Variants in GTF2A2 observed in about 807,000 individuals in gnomAD.
GTF2A2 encodes the protein transcription initiation factor IIA subunit 2.
In GTF2A2, 9 loss-of-function variants were observed where a neutral mutation model predicts 14.3. That is an observed-to-expected ratio of 0.63 (90% CI 0.38 to 1.10). The LOEUF (loss-of-function observed/expected upper bound fraction) is 1.10. GTF2A2 is among the 50% of genes least tolerant of loss of function. The probability of loss-of-function intolerance (pLI) is 0.01; values close to 1 mark genes in which losing one functional copy is unlikely to be tolerated. For missense variants in GTF2A2, 90 were observed against 124.6 expected (o/e 0.72, Z 1.32); for synonymous variants, 56 against 46.0 (o/e 1.22, Z -0.88).
At chr15:59,642,021 G>A (rs1349019431) in intron 4 of GTF2A2, 115 bp downstream of exon 4, 4 of 804,252 alleles carry the variant, frequency 5.0e-6, no homozygotes, top group Admixed American at 5.4e-5. Context: ...GCTTATCTGG[G>A]AATTGATCAT....
intron 2 of GTF2A2, chr15:59,651,848 C>G: frequency 5.8e-6 from 1 of 173,390 alleles, no homozygotes; most frequent in Non-Finnish European, 1.2e-5. Context: ...CCACACCGAA[C>G]TAATTTTTTT....
chr15:59,646,304 C>T (rs1027572611), intron 3 of GTF2A2, among the ~76,000 whole-genome samples: 8 of 152,182 alleles, frequency 5.3e-5, no homozygotes, highest in Admixed American at 4.6e-4. Flanking sequence ...GGTCTGCCTG[C>T]CTTGGCCTCC....
chr15:59,644,277 A>C (rs537883147), intron 3 of GTF2A2: 3 of 152,376 alleles, frequency 2.0e-5, no homozygotes, highest in African/African-American at 7.2e-5. Flanking sequence ...ACACATGCAC[A>C]CATATAGTCA....
At chr15:59,640,616 G>A (rs1428858121) in intron 4 of GTF2A2, among the ~76,000 whole-genome samples, 1 of 152,042 alleles carries the variant, frequency 6.6e-6, no homozygotes, top group Non-Finnish European at 1.5e-5. Context: ...ACATGTCCGT[G>A]CTAAAAAAAA....
intron 3 of GTF2A2, among the ~76,000 whole-genome samples, chr15:59,645,762 G>A (rs1891583752): frequency 6.6e-6 from 1 of 152,138 alleles, no homozygotes; most frequent in African/African-American, 2.4e-5. Flanking sequence ...CTGGCCGGGT[G>A]TGGTGGCTCA....
chr15:59,648,775 A>T (rs1891697210), intron 3 of GTF2A2, among the ~76,000 whole-genome samples: 1 of 152,092 alleles, frequency 6.6e-6, no homozygotes, highest in Non-Finnish European at 1.5e-5. Context: ...TCTACTAAAA[A>T]TACAAAAAAT....
rs138849266 is a variant in GTF2A2 at position 59,648,661 on chromosome 15, G to A, written c.177+2008C>T. 4.5e-3 allele frequency among the ~76,000 whole-genome samples: 690 copies of A among 151,974 alleles called. 9 individuals carry two copies. The highest frequency in any genetic ancestry group is 0.015 in the African/African-American group (641 of 41,468). On this transcript the variant is annotated intron_variant, in intron 3 of 4. Transcript: ENST00000396060. ...ATTTAAAACAAAAAACAGGCCGGGC[G>A]CAGTGGCTCAAGCCTGTAATCCCAG...
chr15:59,642,102 A>G (rs1891448750), intron 4 of GTF2A2, 34 bp downstream of exon 4: 4 of 1,572,816 alleles, frequency 2.5e-6, no homozygotes, highest in Non-Finnish European at 3.4e-6. Context: ...ACAAGGTTTC[A>G]AGTAGCTTTC....
At position 59,646,715 on chromosome 15, in the gene GTF2A2, A is replaced by G. The variant is rs114725703; in HGVS notation, c.177+3954T>C. Among the ~76,000 whole-genome samples, 1,302 of 152,340 alleles carry G rather than the reference A, an allele frequency of 8.5e-3. 16 individuals carry two copies. Among genetic ancestry groups the G allele is most frequent in the African/African-American group, 0.03 (1,251 of 41,576 alleles). ...AAACTTGACTGAAAGATATTAAAGT[A>G]TATTAAATGCCTTCCAACTGTAAAT... On this transcript the variant is annotated intron_variant, in intron 3 of 4. Transcript: ENST00000396060.
chr15:59,641,769 T>C (rs1595667190), intron 4 of GTF2A2, among the ~76,000 whole-genome samples: 1 of 152,324 alleles, frequency 6.6e-6, no homozygotes, highest in African/African-American at 2.4e-5. Flanking sequence ...TCTTTAAATA[T>C]ATGGGTCTCC....
intron 1 of GTF2A2, among the ~76,000 whole-genome samples, chr15:59,656,584 G>A (rs1352756768): frequency 4.6e-5 from 7 of 151,204 alleles, no homozygotes; most frequent in Non-Finnish European, 8.8e-5. Context: ...CACAATAGGA[G>A]CCAAAAAAAA....
chr15:59,644,019 C>G (rs1215395574), intron 3 of GTF2A2, among the ~76,000 whole-genome samples: 1 of 152,060 alleles, frequency 6.6e-6, no homozygotes, highest in African/African-American at 2.4e-5. Context: ...CTCAGCCTCC[C>G]AAGTAGCTGG....
intron 4 of GTF2A2, chr15:59,640,109 CA>C (rs1424794933): frequency 6.6e-6 from 1 of 151,678 alleles, no homozygotes; most frequent in African/African-American, 2.4e-5. Context: ...AAATGGAATA[CA>C]ATTTAAGCTT....
intron 3 of GTF2A2, among the ~76,000 whole-genome samples, chr15:59,645,086 G>T (rs1323338527): frequency 6.6e-6 from 1 of 152,176 alleles, no homozygotes; most frequent in Non-Finnish European, 1.5e-5. Flanking sequence ...GGTAGGAATG[G>T]ACAACTATAA....
rs182056840 is a variant in GTF2A2 at position 59,639,395 on chromosome 15, A to C, written c.305-238T>G. ...TCATATTCATACTAGAGTAAAACTA[A>C]GTTGAACTACATTTGGTTCACATAA... On this transcript the variant is annotated intron_variant, in intron 4 of 4. Coordinates refer to ENST00000396060, the MANE Select transcript of GTF2A2 (RefSeq NM_004492.3). Among the ~76,000 whole-genome samples, 28 of 152,138 alleles carry C rather than the reference A, an allele frequency of 1.8e-4. No individual in the cohort carries two copies. In the East Asian group the frequency reaches 5.0e-3, roughly 27 times the overall value.
chr15:59,644,884 T>G (rs1396163895), intron 3 of GTF2A2, among the ~76,000 whole-genome samples: 3 of 152,142 alleles, frequency 2.0e-5, no homozygotes, highest in Admixed American at 6.5e-5. Context: ...ATCTTAAGCA[T>G]AAGAGTCTGA....
At chr15:59,656,072 C>A (rs1386379591) in intron 1 of GTF2A2, among the ~76,000 whole-genome samples, 2 of 152,012 alleles carry the variant, frequency 1.3e-5, no homozygotes, top group Non-Finnish European at 2.9e-5. Context: ...TTACAACATA[C>A]CTCTCCTCTA....
At chr15:59,655,806 C>A (rs1891926240) in intron 1 of GTF2A2, among the ~76,000 whole-genome samples, 1 of 152,144 alleles carries the variant, frequency 6.6e-6, no homozygotes, top group African/African-American at 2.4e-5. Context: ...CGAGCTTGGG[C>A]AAAACCTTTG....
At chr15:59,652,050 A>G in intron 2 of GTF2A2, 156 bp downstream of exon 2, 1 of 569,766 alleles carries the variant, frequency 1.8e-6, no homozygotes, top group Non-Finnish European at 3.1e-6. Context: ...ACAGTGTAAT[A>G]AACAAGAATT....
Sources: gnomAD v4.1 joint callset for allele counts (sites outside exome capture counted in the v4.1 genomes callset) on GRCh38, gnomAD v4.1.1 for gene constraint, MANE v1.5 for transcripts, NCBI Gene and HGNC (gene_info 2026-07-23, HGNC 2026-07-21) for gene names.